Variants in CDKL3 observed in about 807,000 individuals in gnomAD.
CDKL3 encodes cyclin-dependent kinase-like 3.
CDKL3 carries 65 observed loss-of-function variants against 69.3 expected under a neutral mutation model. The observed-to-expected ratio is 0.94, with a 90% CI of 0.77 to 1.15. The LOEUF is 1.15. CDKL3 is among the 50% of genes most tolerant of loss of function. The pLI is 0.00. For missense variants in CDKL3, 652 were observed against 689.2 expected, an observed-to-expected ratio of 0.95 and a Z score of 0.61; for synonymous variants, 202 against 221.6, an observed-to-expected ratio of 0.91 and a Z score of 0.79.
upstream of CDKL3, chr5:134,367,460 T>A (rs1294739185): frequency 3.7e-5 from 34 of 908,216 alleles, no homozygotes; most frequent in Admixed American, 1.2e-3. Flanking sequence ...TGCAACCTCC[T>A]CCTTCCAGGT....
At chr5:134,343,319 T>C (rs182193206) in intron 4 of CDKL3, among the ~76,000 whole-genome samples, 50 of 152,320 alleles carry the variant, frequency 3.3e-4, no homozygotes, top group Admixed American at 2.6e-4. Flanking sequence ...TGCAAAATTA[T>C]GACTGAGACA....
chr5:134,326,552 TA>T (rs919135946), intron 4 of CDKL3, among the ~76,000 whole-genome samples: 40 of 151,550 alleles, frequency 2.6e-4, no homozygotes, highest in African/African-American at 9.4e-4. Context: ...AAGGAAGGAT[TA>T]AAAAAAACAA....
intron 4 of CDKL3, 39 bp from the exon 5 acceptor site, chr5:134,321,942 T>C (rs370062687): frequency 7.9e-6 from 8 of 1,016,048 alleles, no homozygotes; most frequent in African/African-American, 6.6e-5. Context: ...CTTTTTCATG[T>C]AGAAATTTAT....
chr5:134,349,745 G>A (rs1752780829), intron 4 of CDKL3, among the ~76,000 whole-genome samples: 1 of 152,198 alleles, frequency 6.6e-6, no homozygotes, highest in Non-Finnish European at 1.5e-5. Context: ...GAGCGTAGCA[G>A]TAGCAGTAGC....
rs1183941702 is a variant in CDKL3, at chr5:134,298,579, C to T, written c.*72G>A. 1 of 1,577,550 alleles carries T rather than the reference C, an allele frequency of 6.3e-7. No individual in the cohort carries two copies. The highest frequency in any genetic ancestry group is 8.6e-7 in the Non-Finnish European group (1 of 1,164,594). ...TGTCTTAACAACAACTCACATCACA[C>T]TTCTATTGTAGATAAATAAAACGGG... On this transcript the variant is annotated 3_prime_UTR_variant, in exon 13 of 13. Transcript: ENST00000265334.
intron 4 of CDKL3, among the ~76,000 whole-genome samples, chr5:134,343,056 T>C (rs1488692548): frequency 6.6e-6 from 1 of 151,952 alleles, no homozygotes; most frequent in African/African-American, 2.4e-5. Context: ...AATTTAAAAA[T>C]TAGCCAGGCT....
chr5:134,325,748 A>ATTG (rs1274667049), intron 4 of CDKL3, among the ~76,000 whole-genome samples: 1 of 151,434 alleles, frequency 6.6e-6, no homozygotes, highest in African/African-American at 2.4e-5. Flanking sequence ...CTTTAAGTTA[A>ATTG]TTGTTATTAT....
intron 4 of CDKL3, among the ~76,000 whole-genome samples, chr5:134,325,240 C>G (rs1000050217): frequency 6.6e-6 from 1 of 151,970 alleles, no homozygotes; most frequent in African/African-American, 2.4e-5. Context: ...ATAGTATGTT[C>G]CTATTTCTGT....
chr5:134,315,503 G>C (rs1409462461), intron 6 of CDKL3, among the ~76,000 whole-genome samples: 1 of 151,988 alleles, frequency 6.6e-6, no homozygotes, highest in Admixed American at 6.6e-5. Context: ...TATGTTTAGA[G>C]ACCCTTTTGT....
chr5:134,318,676 G>A (rs771595345), intron 6 of CDKL3, among the ~76,000 whole-genome samples: 4 of 151,776 alleles, frequency 2.6e-5, no homozygotes, highest in South Asian at 2.1e-4. Context: ...TAGTAGAGAC[G>A]GGGTTTCACC....
downstream of CDKL3, among the ~76,000 whole-genome samples, chr5:134,284,918 A>G (rs1764793283): frequency 1.3e-5 from 2 of 152,198 alleles, no homozygotes; most frequent in African/African-American, 4.8e-5. Context: ...CACACGTTTT[A>G]CAAACAATTT....
Position 134,361,223 on chromosome 5 carries a change from T to C in CDKL3, c.166-1132A>G, listed in dbSNP as rs142900980. On this transcript the variant is annotated intron_variant, in intron 2 of 12. Transcript: ENST00000265334. Reference sequence around the variant, plus strand: ...TTTTGTTCAAACTATCAAGAATATGTGTTCAATTAGCTAAAAATGAAGGGT... The same window carrying C: ...TTTTGTTCAAACTATCAAGAATATGCGTTCAATTAGCTAAAAATGAAGGGT... 6.8e-4 allele frequency among the ~76,000 whole-genome samples: 103 copies of C among 152,220 alleles called. No individual in the cohort carries two copies. The East Asian group carries it at 0.019, about 28-fold the overall frequency.
In CDKL3 at chr5:134,320,168, G is replaced by C. The variant is rs190824060; in HGVS notation, c.653-671C>G. Among the ~76,000 whole-genome samples the C allele has an allele frequency of 2.6e-5, 4 of 152,256 alleles. No individual in the cohort carries two copies. The East Asian group carries it at 7.7e-4, about 29-fold the overall frequency. On this transcript the variant is annotated intron_variant, in intron 5 of 12. Transcript: ENST00000265334. ...GACACAAAAATGTGAGGTGTCTTAA[G>C]GCTCTAAACTATTTCTTAAATCAGT...
intron 4 of CDKL3, among the ~76,000 whole-genome samples, chr5:134,336,591 C>G (rs899840077): frequency 6.6e-6 from 1 of 152,196 alleles, no homozygotes; most frequent in African/African-American, 2.4e-5. Context: ...CCCTCAGCTG[C>G]AGGTCTGTTG....
chr5:134,284,283 A>C (rs566358578), downstream of CDKL3, among the ~76,000 whole-genome samples: 15 of 152,340 alleles, frequency 9.8e-5, no homozygotes, highest in African/African-American at 3.6e-4. Context: ...TCCGGGGGTG[A>C]CATCACCTAT....
At chr5:134,338,193 T>C (rs1464715694) in intron 4 of CDKL3, among the ~76,000 whole-genome samples, 2 of 152,106 alleles carry the variant, frequency 1.3e-5, no homozygotes, top group Non-Finnish European at 2.9e-5. Context: ...AAAGTAATAA[T>C]GGTTTGTAAC....
At chr5:134,363,033 T>C (rs191730030) in intron 2 of CDKL3, among the ~76,000 whole-genome samples, 1 of 152,250 alleles carries the variant, frequency 6.6e-6, no homozygotes, top group African/African-American at 2.4e-5. Flanking sequence ...TTCAAGTTCA[T>C]CTCTGTATTG....
intron 4 of CDKL3, among the ~76,000 whole-genome samples, chr5:134,345,037 C>T (rs2149578617): frequency 6.6e-6 from 1 of 152,052 alleles, no homozygotes; most frequent in East Asian, 1.9e-4. Context: ...TGCACTCCAG[C>T]CTGGGCGACA....
At chr5:134,304,253 T>A (rs1767141615) in intron 11 of CDKL3, among the ~76,000 whole-genome samples, 152 bp downstream of exon 11, 1 of 152,204 alleles carries the variant, frequency 6.6e-6, no homozygotes, top group Non-Finnish European at 1.5e-5. Flanking sequence ...ACCCCTTATT[T>A]GACAATGGGG....
Sources: gnomAD v4.1 joint callset for allele counts (sites outside exome capture counted in the v4.1 genomes callset) on GRCh38, gnomAD v4.1.1 for gene constraint, MANE v1.5 for transcripts, NCBI Gene and HGNC (gene_info 2026-07-23, HGNC 2026-07-21) for gene names.